The following TTC39C variants were observed in gnomAD, a reference collection of about 807,000 sequenced individuals.
The protein encoded by TTC39C is tetratricopeptide repeat protein 39C.
Under a neutral mutation model 76.3 loss-of-function variants are expected in TTC39C, and 33 were observed. That is an observed-to-expected ratio of 0.43 (90% CI 0.33 to 0.58). The LOEUF is 0.58. TTC39C is among the 20% of genes least tolerant of loss of function. TTC39C has a pLI of 0.04. For synonymous variants in TTC39C, 254 were observed against 260.6 expected (o/e 0.97, Z 0.24); for missense variants, 595 against 701.4 (o/e 0.85, Z 1.71).
At chr18:24,097,956 T>A (rs1445554362) in intron 6 of TTC39C, among the ~76,000 whole-genome samples, 3 of 152,192 alleles carry the variant, frequency 2.0e-5, no homozygotes, top group South Asian at 4.1e-4. Flanking sequence ...TGTAAAAAAA[T>A]TTGAAATTCA....
At chr18:24,131,039 A>C (rs1427705587) in intron 12 of TTC39C, among the ~76,000 whole-genome samples, 2 of 141,346 alleles carry the variant, frequency 1.4e-5, no homozygotes, top group African/African-American at 5.3e-5. Context: ...AAAAAAAAAA[A>C]AAAAAAAAAA....
At chr18:24,011,989 A>G (rs1345687244), upstream of TTC39C, among the ~76,000 whole-genome samples, 2 of 152,142 alleles carry the variant, frequency 1.3e-5, no homozygotes, top group Non-Finnish European at 2.9e-5. Context: ...TTTGTAGGTA[A>G]TTTGCACCAT....
intron 10 of TTC39C, among the ~76,000 whole-genome samples, chr18:24,126,194 A>G (rs912255236): frequency 6.6e-6 from 1 of 152,148 alleles, no homozygotes; most frequent in Non-Finnish European, 1.5e-5. Context: ...CCTACAAAAG[A>G]AAAAGGGGAA....
At chr18:24,052,307 A>G (rs1019433087) in intron 1 of TTC39C, among the ~76,000 whole-genome samples, 2 of 152,302 alleles carry the variant, frequency 1.3e-5, no homozygotes, top group East Asian at 3.9e-4. Context: ...ATGCTCTCTG[A>G]AGAGCGGGCG....
chr18:24,114,249 T>G, intron 6 of TTC39C: 1 of 291,376 alleles, frequency 3.4e-6, no homozygotes, highest in East Asian at 9.1e-5. Flanking sequence ...ACCACCTGAG[T>G]GAAGGAGAAG....
chr18:24,008,037 G>A lies in TTC39C; in HGVS notation c.-17+14999G>A, dbSNP rs2083367560. 2.0e-5 allele frequency among the ~76,000 whole-genome samples: 3 copies of A among 152,182 alleles called. No homozygotes were observed. The South Asian group carries it at 6.2e-4, about 32-fold the overall frequency. On this transcript the variant is annotated intron_variant, in intron 1 of 13. Coordinates refer to the TTC39C transcript ENST00000304621. Reference sequence around the variant, plus strand: ...TCATATTATAAATGGGGAAATTGAGGCTGAAAGAGATGAAGTAAAATTGCC... The same window carrying A: ...TCATATTATAAATGGGGAAATTGAGACTGAAAGAGATGAAGTAAAATTGCC...
rs1185793468 is a variant in TTC39C, at chr18:24,132,511, A to G, written c.1689A>G (p.Glu563=). The change falls in exon 14 of 14, where the codon GAA becomes GAG. Residue 563 remains glutamate, a synonymous_variant. Coordinates refer to ENST00000317571, the MANE Select transcript of TTC39C (RefSeq NM_001135993.2). The stretch of plus-strand genomic sequence containing the variant: ...AGGATTTCTCTGGCTACGACTTTGA[A>G]AACAGATTGCATGTCCGCATCCATG... ...AKEDFSGYDF[E]NRLHVRIHAA... The G allele has an allele frequency of 6.2e-7, 1 of 1,614,156 alleles. No individual in the cohort carries two copies. Among genetic ancestry groups the G allele is most frequent in the East Asian group, 2.2e-5 (1 of 44,888 alleles).
rs1251705664 is a variant in TTC39C, at chr18:24,133,818, G to A, written c.*1244G>A. ...TAATTTGGCTCAATGTTTAAGGTTA[G>A]ATTTTTAAAGAAATTTTTATTGAGC... On this transcript the variant is annotated 3_prime_UTR_variant, in exon 14 of 14. Coordinates refer to ENST00000317571, the MANE Select transcript of TTC39C (RefSeq NM_001135993.2). 1 of 152,114 alleles carries A rather than the reference G, an allele frequency of 6.6e-6. No individual in the cohort carries two copies. The allele number at this position is 152,114 out of a possible 1,614,324, so 9.4% of individuals were successfully genotyped here.
chr18:24,069,671 G>A (rs1280780598), intron 4 of TTC39C, among the ~76,000 whole-genome samples: 2 of 152,156 alleles, frequency 1.3e-5, no homozygotes, highest in African/African-American at 2.4e-5. Context: ...ATGGTTTCAC[G>A]TATATTAGGA....
chr18:24,071,279 T>C (rs563100180), intron 4 of TTC39C, among the ~76,000 whole-genome samples: 2 of 152,340 alleles, frequency 1.3e-5, no homozygotes, highest in African/African-American at 4.8e-5. Flanking sequence ...CATTGATCCA[T>C]TCAACAAATA....
At chr18:24,113,457 A>C (rs1291681349) in intron 6 of TTC39C, 2 of 627,956 alleles carry the variant, frequency 3.2e-6, no homozygotes, top group Non-Finnish European at 5.7e-6. Flanking sequence ...GGCTGTGGGG[A>C]TAATGGGCAC....
intron 1 of TTC39C, chr18:23,994,073 T>C (rs1417033525): frequency 6.6e-6 from 1 of 152,152 alleles, no homozygotes; most frequent in African/African-American, 2.4e-5. Context: ...TCTGAAAAGA[T>C]ATGAAGCTCT....
rs1191889765 is a variant in TTC39C, at chr18:24,133,820, T to C, written c.*1246T>C. The C allele has an allele frequency of 3.3e-5, 5 of 152,206 alleles. No homozygotes were observed. Among genetic ancestry groups the C allele is most frequent in the Admixed American group, 2.6e-4 (4 of 15,268 alleles). 9.4% of individuals were successfully genotyped at this position (152,206 alleles called of 1,614,324 possible). A position where few individuals can be genotyped will look rare whatever the true frequency, so the allele number is the denominator to read the frequency against. ...ATTTGGCTCAATGTTTAAGGTTAGA[T>C]TTTTAAAGAAATTTTTATTGAGCTA... On this transcript the variant is annotated 3_prime_UTR_variant, in exon 14 of 14. Transcript: ENST00000317571.
intron 4 of TTC39C, among the ~76,000 whole-genome samples, chr18:24,072,295 CTT>C (rs35989927): frequency 1.4e-4 from 20 of 141,894 alleles, no homozygotes; most frequent in Non-Finnish European, 1.6e-4. Context: ...ATGATTCATG[CTT>C]TTTTTTTTTT....
intron 9 of TTC39C, among the ~76,000 whole-genome samples, 189 bp from the exon 10 acceptor site, chr18:24,125,238 G>C (rs1181392475): frequency 1.3e-5 from 2 of 152,144 alleles, no homozygotes; most frequent in African/African-American, 4.8e-5. Flanking sequence ...TGAATGAAAG[G>C]CATAATTTCC....
In TTC39C at chr18:24,035,092, G is replaced by A. The variant is rs537607782; in HGVS notation, c.167+20054G>A. Among the ~76,000 whole-genome samples the A allele has an allele frequency of 4.2e-4, 63 of 151,486 alleles. No homozygotes were observed. In the South Asian group the frequency reaches 0.01, roughly 25 times the overall value. On this transcript the variant is annotated intron_variant, in intron 1 of 13. Transcript: ENST00000317571. ...AATCTGGTCTCTTGCCTAGGCTTAC[G>A]TACAGTGGTGTGATCAGAGATCAGT...
chr18:24,083,668 G>A (rs1194166134), intron 6 of TTC39C, among the ~76,000 whole-genome samples: 1 of 152,188 alleles, frequency 6.6e-6, no homozygotes, highest in Admixed American at 6.5e-5. Flanking sequence ...GGATCTAAGA[G>A]GGCTTCAAGC....
chr18:24,006,185 G>A (rs532101993), intron 1 of TTC39C, among the ~76,000 whole-genome samples: 2 of 151,860 alleles, frequency 1.3e-5, no homozygotes, highest in Non-Finnish European at 2.9e-5. Flanking sequence ...GCTAATTTTT[G>A]TATTTTTTAT....
chr18:24,001,908 C>T (rs1402145850), intron 1 of TTC39C, among the ~76,000 whole-genome samples: 2 of 146,168 alleles, frequency 1.4e-5, no homozygotes, highest in African/African-American at 2.6e-5. Context: ...TCACTGCAAG[C>T]TCCGCCTCCC....
Sources: gnomAD v4.1 joint callset for allele counts (sites outside exome capture counted in the v4.1 genomes callset) on GRCh38, gnomAD v4.1.1 for gene constraint, MANE v1.5 for transcripts, NCBI Gene and HGNC (gene_info 2026-07-23, HGNC 2026-07-21) for gene names.